Variants in SCML4 observed in about 807,000 individuals in gnomAD.
SCML4 encodes Scm polycomb group protein like 4, also known as sex comb on midleg-like protein 4.
Under a neutral mutation model 41.1 loss-of-function variants are expected in SCML4, and 34 were observed. That is an observed-to-expected ratio of 0.83 (90% CI 0.63 to 1.10). The LOEUF is 1.10. SCML4 is among the 50% of genes least tolerant of loss of function. The probability of loss-of-function intolerance (pLI) is 0.00; values close to 1 mark genes in which losing one functional copy is unlikely to be tolerated. For synonymous variants in SCML4, 214 were observed against 220.9 expected, an observed-to-expected ratio of 0.97 and a Z score of 0.28; for missense variants, 522 against 534.1, an observed-to-expected ratio of 0.98 and a Z score of 0.22.
At chr6:107,707,817 G>A (rs1327489950) in intron 7 of SCML4, 49 bp downstream of exon 7, 17 of 1,550,422 alleles carry the variant, frequency 1.1e-5, no homozygotes, top group South Asian at 2.4e-5. Context: ...CTCTCCTTCT[G>A]TGCCTGCTCC....
At chr6:107,826,879 C>T (rs566734528), upstream of SCML4, among the ~76,000 whole-genome samples, 11 of 151,586 alleles carry the variant, frequency 7.3e-5, no homozygotes, top group South Asian at 2.1e-4. Flanking sequence ...CTGGCTAACA[C>T]GGTGAAACCC....
At chr6:107,752,008 T>C (rs1225029522) in intron 2 of SCML4, among the ~76,000 whole-genome samples, 1 of 152,140 alleles carries the variant, frequency 6.6e-6, no homozygotes, top group Non-Finnish European at 1.5e-5. Context: ...CTACAGTAGC[T>C]GAGAGATGAC....
intron 5 of SCML4, among the ~76,000 whole-genome samples, chr6:107,739,591 T>C (rs534261610): frequency 6.6e-6 from 1 of 152,266 alleles, no homozygotes; most frequent in East Asian, 1.9e-4. Flanking sequence ...GATAAGCCCA[T>C]GACCTTACAA....
At chr6:107,723,197 C>T (rs1775605986) in intron 5 of SCML4, among the ~76,000 whole-genome samples, 1 of 151,968 alleles carries the variant, frequency 6.6e-6, no homozygotes, top group African/African-American at 2.4e-5. Context: ...GGGTTATATC[C>T]CAATAAATTT....
At chr6:107,786,536 T>C (rs1025380252) in intron 1 of SCML4, among the ~76,000 whole-genome samples, 4 of 152,246 alleles carry the variant, frequency 2.6e-5, no homozygotes, top group African/African-American at 9.6e-5. Flanking sequence ...ATTCTGTTTA[T>C]TGGCATCCCT....
intron 3 of SCML4, 29 bp from the exon 4 acceptor site, chr6:107,746,918 G>A (rs543588905): frequency 1.4e-4 from 218 of 1,583,174 alleles, no homozygotes; most frequent in South Asian, 5.9e-4. Flanking sequence ...CAAAGCCCTC[G>A]GCATCAGGCG....
intron 1 of SCML4, among the ~76,000 whole-genome samples, chr6:107,808,930 A>AG (rs557475215): frequency 1.3e-5 from 2 of 152,172 alleles, no homozygotes; most frequent in South Asian, 4.1e-4. Flanking sequence ...AATCTATCTG[A>AG]GATTATTAAG....
At chr6:107,751,642 CTTTCTTT>C (rs1778690327) in intron 2 of SCML4, among the ~76,000 whole-genome samples, 1 of 111,838 alleles carries the variant, frequency 8.9e-6, no homozygotes. Flanking sequence ...TTCTTTCTTT[CTTTCTTT>C]TTTGAGAGGG....
chr6:107,779,960 G>C (rs772607365), intron 1 of SCML4, among the ~76,000 whole-genome samples: 1 of 152,172 alleles, frequency 6.6e-6, no homozygotes, highest in Non-Finnish European at 1.5e-5. Flanking sequence ...GGCTTATACA[G>C]TTTTCCCTTT....
At chr6:107,736,327 T>C (rs1193797024) in intron 5 of SCML4, among the ~76,000 whole-genome samples, 8 of 152,240 alleles carry the variant, frequency 5.3e-5, no homozygotes, top group Admixed American at 5.2e-4. Context: ...GGACATCTAT[T>C]GTGTGCAGTC....
intron 1 of SCML4, among the ~76,000 whole-genome samples, chr6:107,787,633 C>G (rs1562258935): frequency 1.3e-5 from 2 of 152,192 alleles, no homozygotes; most frequent in African/African-American, 4.8e-5. Context: ...TATAAACCAA[C>G]AGTATAGCTA....
chr6:107,742,838 G>T (rs1250237605), intron 5 of SCML4, among the ~76,000 whole-genome samples: 1 of 151,924 alleles, frequency 6.6e-6, no homozygotes, highest in Non-Finnish European at 1.5e-5. Flanking sequence ...AACACTGCGG[G>T]TACAAAGCCT....
intron 1 of SCML4, among the ~76,000 whole-genome samples, chr6:107,814,709 C>T (rs544684569): frequency 3.2e-4 from 49 of 152,286 alleles, no homozygotes; most frequent in African/African-American, 1.1e-3. Flanking sequence ...TGTGCCACCA[C>T]ACTCGGCTAA....
intron 1 of SCML4, among the ~76,000 whole-genome samples, chr6:107,785,162 C>T (rs1367827828): frequency 6.6e-6 from 1 of 152,180 alleles, no homozygotes; most frequent in East Asian, 1.9e-4. Flanking sequence ...TTTGTATCTT[C>T]CCGGTCCAGA....
At chr6:107,781,839 T>C (rs1781523787) in intron 1 of SCML4, among the ~76,000 whole-genome samples, 1 of 152,194 alleles carries the variant, frequency 6.6e-6, no homozygotes, top group Non-Finnish European at 1.5e-5. Flanking sequence ...CCAAGGCTCA[T>C]GCTCCTCCTT....
chr6:107,799,945 G>C (rs1282373771), intron 1 of SCML4, among the ~76,000 whole-genome samples: 1 of 148,898 alleles, frequency 6.7e-6, no homozygotes, highest in African/African-American at 2.5e-5. Context: ...GCAATATCTA[G>C]GTCCACTGTG....
At chr6:107,779,918 C>T (rs888058891) in intron 1 of SCML4, among the ~76,000 whole-genome samples, 1 of 152,218 alleles carries the variant, frequency 6.6e-6, no homozygotes, top group African/African-American at 2.4e-5. Context: ...ATTGTGTGCA[C>T]TTCCAGTTTC....
intron 5 of SCML4, among the ~76,000 whole-genome samples, chr6:107,727,151 A>C (rs1312377041): frequency 6.6e-6 from 1 of 152,244 alleles, no homozygotes; most frequent in Non-Finnish European, 1.5e-5. Context: ...GAATCCAGCC[A>C]CAAGAGACCA....
chr6:107,830,915 A>G, the SCML4 span, among the ~76,000 whole-genome samples: 1 of 152,292 alleles, frequency 6.6e-6, no homozygotes, highest in East Asian at 1.9e-4. Context: ...TCCCACCTAC[A>G]ATATTTCCCC....
Sources: gnomAD v4.1 joint callset for allele counts (sites outside exome capture counted in the v4.1 genomes callset) on GRCh38, gnomAD v4.1.1 for gene constraint, MANE v1.5 for transcripts, NCBI Gene and HGNC (gene_info 2026-07-23, HGNC 2026-07-21) for gene names.